The following DIAPH1 variants were observed in gnomAD, a reference collection of about 807,000 sequenced individuals.
DIAPH1 encodes protein diaphanous homolog 1.
In DIAPH1, 46 loss-of-function variants were observed where a neutral mutation model predicts 140.7. The ratio of observed to expected loss-of-function variants is 0.33; its 90% CI spans 0.26 to 0.42. The LOEUF is 0.42. DIAPH1 is among the 10% of genes least tolerant of loss of function. The pLI is 1.00. For missense variants in DIAPH1, 1,310 were observed against 1,558.7 expected, an observed-to-expected ratio of 0.84 and a Z score of 2.69; for synonymous variants, 565 against 551.6, an observed-to-expected ratio of 1.02 and a Z score of -0.34.
intron 18 of DIAPH1, among the ~76,000 whole-genome samples, chr5:141,559,670 G>A (rs1419922891): frequency 1.3e-5 from 2 of 152,134 alleles, no homozygotes; most frequent in East Asian, 1.9e-4. Context: ...ACCCAGGATG[G>A]TGACTCAATT....
rs112297783 is a variant in DIAPH1, at chr5:141,612,013, G to A, written c.117+6785C>T. ...ACCTGGGAGGCAGAGGCTCCGGTAA[G>A]CCGAGATTATGCCACTGTACTCCAG... On this transcript the variant is annotated intron_variant, in intron 1 of 27. Coordinates refer to ENST00000389054, the MANE Select transcript of DIAPH1 (RefSeq NM_005219.5). Among the ~76,000 whole-genome samples, 233 of 152,314 alleles carry A rather than the reference G, an allele frequency of 1.5e-3. 1 individual carries two copies. Among genetic ancestry groups the A allele is most frequent in the African/African-American group, 5.1e-3 (214 of 41,566 alleles).
At chr5:141,578,441 T>C (rs1221420436) in intron 10 of DIAPH1, 74 bp downstream of exon 10, 2 of 1,530,316 alleles carry the variant, frequency 1.3e-6, no homozygotes, top group Non-Finnish European at 1.8e-6. Flanking sequence ...AAACCAGAAT[T>C]ATCCCCGGGA....
In DIAPH1 at chr5:141,516,513, G is replaced by A. The variant is rs2099885706; in HGVS notation, c.*338C>T. 2 of 381,288 alleles carry A rather than the reference G, an allele frequency of 5.2e-6. No homozygotes were observed. The highest frequency in any genetic ancestry group is 7.6e-5 in the Admixed American group (2 of 26,430). The allele number at this position is 381,288 out of a possible 1,614,324, so 23.6% of individuals were successfully genotyped here. ...GAAAGCCCATTAGAAAGTCAGGGCT[G>A]AGAAAAAGCAGGCTGGGCCTTGTCT... is the stretch of plus-strand genomic sequence containing the variant. On this transcript the variant is annotated 3_prime_UTR_variant, in exon 28 of 28. Coordinates refer to ENST00000389054, the MANE Select transcript of DIAPH1 (RefSeq NM_005219.5).
chr5:141,519,234 T>G (rs894196993), intron 27 of DIAPH1, among the ~76,000 whole-genome samples: 1 of 152,212 alleles, frequency 6.6e-6, no homozygotes, highest in Non-Finnish European at 1.5e-5. Context: ...AAAATCTTCC[T>G]CAGGCCTCCT....
In DIAPH1 at chr5:141,522,578, CAAAAAAAAA is replaced by C. The variant is rs5871776; in HGVS notation, c.3661+1556_3661+1564del. Among the ~76,000 whole-genome samples the C allele has an allele frequency of 3.5e-4, 31 of 88,948 alleles. 3 individuals carry two copies. The highest frequency in any genetic ancestry group is 3.3e-3 in the Admixed American group (26 of 7,978). The allele number at this position is 88,948 out of a possible 152,430, so 58.4% of individuals were successfully genotyped here. ...GATGCAGGCACTTAGCCGACGGGGT[CAAAAAAAAA>C]AAAAAAAAAAACAATAAGATGCAAT... is the stretch of plus-strand genomic sequence containing the variant. On this transcript the variant is annotated intron_variant, in intron 27 of 27. Coordinates refer to ENST00000389054, the MANE Select transcript of DIAPH1 (RefSeq NM_005219.5).
chr5:141,575,215 C>G (rs2099895774), intron 14 of DIAPH1, 69 bp from the exon 15 acceptor site: 1 of 1,517,830 alleles, frequency 6.6e-7, no homozygotes, highest in Admixed American at 1.7e-5. Context: ...TATTATTACC[C>G]ATAATTCTCC....
chr5:141,586,385 A>G (rs1468036871), intron 3 of DIAPH1, among the ~76,000 whole-genome samples: 1 of 152,226 alleles, frequency 6.6e-6, no homozygotes, highest in African/African-American at 2.4e-5. Flanking sequence ...ACTAGTCTCT[A>G]TTTGAATCTG....
At position 141,583,635 on chromosome 5, in the gene DIAPH1, A is replaced by T; in HGVS notation, c.403-20T>A. On this transcript the variant is annotated intron_variant, in intron 4 of 27. Transcript: ENST00000389054. ...CATGCCCTAGACAGAAGGCATAGAC[A>T]GAGATTAGTAATGGTGGACCCAGTC... 6.2e-7 allele frequency: 1 copy of T among 1,614,182 alleles called. No individual in the cohort carries two copies. The highest frequency in any genetic ancestry group is 1.1e-5 in the South Asian group (1 of 91,088).
At chr5:141,527,455 A>G in intron 24 of DIAPH1, 118 bp downstream of exon 24, 1 of 1,134,090 alleles carries the variant, frequency 8.8e-7, no homozygotes, top group South Asian at 1.5e-5. Context: ...ATTTAAAGAA[A>G]AAGAGTTTTT....
At chr5:141,552,230 C>T (rs1469755341) in intron 18 of DIAPH1, among the ~76,000 whole-genome samples, 3 of 151,800 alleles carry the variant, frequency 2.0e-5, no homozygotes, top group Non-Finnish European at 4.4e-5. Context: ...TACTCGGTCA[C>T]CCAGGCTGGA....
chr5:141,573,473 A>T lies in DIAPH1; in HGVS notation c.2358+19T>A. 6.2e-7 allele frequency: 1 copy of T among 1,611,694 alleles called. No individual in the cohort carries two copies. The highest frequency in any genetic ancestry group is 8.5e-7 in the Non-Finnish European group (1 of 1,179,058). ...AAAAAAAAAGATTGACTGGTGAAGA[A>T]ATAGACAGAAACTCTTACCTTGGAC... On this transcript the variant is annotated intron_variant, in intron 16 of 27. Transcript: ENST00000389054.
chr5:141,605,893 G>T (rs1165768578), intron 1 of DIAPH1, among the ~76,000 whole-genome samples: 4 of 152,272 alleles, frequency 2.6e-5, no homozygotes, highest in Middle Eastern at 3.4e-3. Context: ...AGACCTAGAA[G>T]TAAGTAACGA....
intron 23 of DIAPH1, 55 bp from the exon 24 acceptor site, chr5:141,527,752 ATAATCC>A: frequency 6.6e-7 from 1 of 1,521,376 alleles, no homozygotes; most frequent in Non-Finnish European, 8.8e-7. Context: ...GAGCTTACTA[ATAATCC>A]CAGCCTCAAC....
intron 18 of DIAPH1, among the ~76,000 whole-genome samples, chr5:141,545,243 C>T (rs894428430): frequency 5.3e-5 from 8 of 152,156 alleles, no homozygotes; most frequent in African/African-American, 1.9e-4. Flanking sequence ...CCATATAATA[C>T]TGTACACATA....
At chr5:141,540,414 C>G (rs1004876638) in intron 18 of DIAPH1, among the ~76,000 whole-genome samples, 1 of 152,104 alleles carries the variant, frequency 6.6e-6, no homozygotes, top group African/African-American at 2.4e-5. Context: ...TCCCAAGTAG[C>G]TGGGACTACA....
rs79558427 is a variant in DIAPH1, at chr5:141,527,699, T to TAAAAAAAAAAAAA, written c.3149-15_3149-3dup. On this transcript the variant is annotated splice_polypyrimidine_tract_variant and splice_region_variant and intron_variant, in intron 23 of 27. Transcript: ENST00000389054. ...TCTTTTGCAAGTTTTCAGCAGAAAC[T>TAAAAAAAAAAAAA]AAAAAAAAAAAAAAAAAAAAAAACC... The TAAAAAAAAAAAAA allele has an allele frequency of 2.8e-4, 315 of 1,132,350 alleles. 1 individual carries two copies. The highest frequency in any genetic ancestry group is 1.0e-3 in the South Asian group (59 of 58,778). The allele number at this position is 1,132,350 out of a possible 1,614,324, so 70.1% of individuals were successfully genotyped here.
rs56117502 is a variant in DIAPH1 at position 141,591,695 on chromosome 5, GATATATATATAT to G, written c.118-3457_118-3446del. ...TGGAAAAGGAAGGAAGGGAGATGGG[GATATATATATAT>G]ATATATATATATATATATATGAAGG... On this transcript the variant is annotated intron_variant, in intron 1 of 27. Coordinates refer to ENST00000389054, the MANE Select transcript of DIAPH1 (RefSeq NM_005219.5). Among the ~76,000 whole-genome samples the G allele has an allele frequency of 7.4e-4, 64 of 86,344 alleles. 4 individuals carry two copies. Among genetic ancestry groups the G allele is most frequent in the African/African-American group, 1.4e-3 (24 of 17,478 alleles). 56.6% of individuals were successfully genotyped at this position (86,344 alleles called of 152,430 possible).
intron 9 of DIAPH1, 24 bp downstream of exon 9, chr5:141,579,064 C>T: frequency 6.4e-7 from 1 of 1,552,620 alleles, no homozygotes; most frequent in Non-Finnish European, 8.9e-7. Flanking sequence ...TATTCTTGGG[C>T]CCAGTTTCAG....
Position 141,577,889 on chromosome 5 carries a change from A to C in DIAPH1, c.1164-298T>G, listed in dbSNP as rs2099896198. On this transcript the variant is annotated intron_variant, in intron 11 of 27. Coordinates refer to ENST00000389054, the MANE Select transcript of DIAPH1 (RefSeq NM_005219.5). ...TCAAAGTCACTTACTGAAAATATTAACAGGTAACTAAATTACTCCCTCTGT... is the reference window on the plus strand; with the variant it reads ...TCAAAGTCACTTACTGAAAATATTACCAGGTAACTAAATTACTCCCTCTGT... The C allele has an allele frequency of 6.0e-6, 3 of 500,622 alleles. No homozygotes were observed. The Admixed American group carries it at 9.7e-5, about 16-fold the overall frequency. The allele number at this position is 500,622 out of a possible 1,614,324, so 31.0% of individuals were successfully genotyped here.
Sources: allele counts gnomAD v4.1 joint callset (sites outside exome capture counted in the v4.1 genomes callset), GRCh38; gene constraint gnomAD v4.1.1; transcripts MANE v1.5; gene names NCBI Gene and HGNC (gene_info 2026-07-23, HGNC 2026-07-21).